Variants in GABBR2 observed in about 807,000 individuals in gnomAD.
GABBR2 encodes the protein gamma-aminobutyric acid type B receptor subunit 2.
GABBR2 carries 23 observed loss-of-function variants against 105.6 expected under a neutral mutation model. That is an observed-to-expected ratio of 0.22 (90% confidence interval 0.16 to 0.31). The LOEUF (loss-of-function observed/expected upper bound fraction) is 0.31, where lower values mean the gene tolerates loss of function less well. GABBR2 is among the 10% of genes least tolerant of loss of function. GABBR2 has a pLI of 1.00. For synonymous variants in GABBR2, 478 were observed against 499.7 expected, an observed-to-expected ratio of 0.96 and a Z score of 0.58; for missense variants, 734 against 1,245.5, an observed-to-expected ratio of 0.59 and a Z score of 6.18.
At chr9:98,672,560 GCAT>G (rs1346807181) in intron 1 of GABBR2, among the ~76,000 whole-genome samples, 2 of 152,262 alleles carry the variant, frequency 1.3e-5, no homozygotes, top group Non-Finnish European at 2.9e-5. Context: ...GATGGGCACA[GCAT>G]TCTGCTGAAG....
Position 98,622,622 on chromosome 9 carries a change from C to T in GABBR2, c.322-44550G>A, listed in dbSNP as rs1829684832. Among the ~76,000 whole-genome samples the T allele has an allele frequency of 2.0e-5, 3 of 152,356 alleles. No individual in the cohort carries two copies. The South Asian group carries it at 6.2e-4, about 32-fold the overall frequency. On this transcript the variant is annotated intron_variant, in intron 1 of 18. Transcript: ENST00000259455. ...AGACTGTATGTCAGACCATGGCACT[C>T]CTCAGCTCAAAACCTTCCTGTGGTG...
chr9:98,299,414 T>C, intron 16 of GABBR2, 61 bp from the exon 17 acceptor site: 1 of 1,601,526 alleles, frequency 6.2e-7, no homozygotes, highest in Non-Finnish European at 8.5e-7. Flanking sequence ...GCTAGGCCAC[T>C]AGGGCCAAAA....
chr9:98,405,599 T>C (rs1832476321), intron 8 of GABBR2, among the ~76,000 whole-genome samples: 1 of 152,198 alleles, frequency 6.6e-6, no homozygotes, highest in Admixed American at 6.5e-5. Context: ...CCAGGATCCC[T>C]TGAGGATTCC....
chr9:98,532,690 C>T (rs1432597611), intron 3 of GABBR2, among the ~76,000 whole-genome samples: 1 of 152,146 alleles, frequency 6.6e-6, no homozygotes, highest in Non-Finnish European at 1.5e-5. Flanking sequence ...AAGCTGAGCC[C>T]ATCCCACAGT....
intron 5 of GABBR2, among the ~76,000 whole-genome samples, chr9:98,477,187 G>A (rs75726740): frequency 0.04 from 6,044 of 152,264 alleles, 154 homozygotes; most frequent in Non-Finnish European, 0.061. Context: ...CTCAATCAAC[G>A]GTTGTGGACC....
intron 3 of GABBR2, among the ~76,000 whole-genome samples, chr9:98,502,643 T>C (rs1224881261): frequency 6.6e-6 from 1 of 152,120 alleles, no homozygotes; most frequent in Non-Finnish European, 1.5e-5. Context: ...ATCCCCCCGC[T>C]TGGCACTGGA....
At chr9:98,688,236 G>C (rs965821987) in intron 1 of GABBR2, among the ~76,000 whole-genome samples, 1 of 152,126 alleles carries the variant, frequency 6.6e-6, no homozygotes, top group African/African-American at 2.4e-5. Flanking sequence ...TTGGAATCCT[G>C]GAGCAATGGG....
At chr9:98,467,038 T>G (rs1479299552) in intron 6 of GABBR2, among the ~76,000 whole-genome samples, 1 of 152,104 alleles carries the variant, frequency 6.6e-6, no homozygotes, top group African/African-American at 2.4e-5. Flanking sequence ...AAAGGCCATA[T>G]CCCCCTTTAA....
chr9:98,570,280 C>T lies in GABBR2; in HGVS notation c.459+7655G>A, dbSNP rs185054673. Among the ~76,000 whole-genome samples the T allele has an allele frequency of 5.0e-4, 76 of 152,292 alleles. 1 individual carries two copies. The highest frequency in any genetic ancestry group is 1.7e-3 in the African/African-American group (70 of 41,546). Reference sequence around the variant, plus strand: ...GCTGTCGAGGGGCGGCTGGGGACAGCGCTGGGAGAAATGCATCTACAATTT... The same window carrying T: ...GCTGTCGAGGGGCGGCTGGGGACAGTGCTGGGAGAAATGCATCTACAATTT... On this transcript the variant is annotated intron_variant, in intron 2 of 18. Transcript: ENST00000259455.
chr9:98,608,442 G>A (rs1203041030), intron 1 of GABBR2, among the ~76,000 whole-genome samples: 1 of 152,020 alleles, frequency 6.6e-6, no homozygotes, highest in African/African-American at 2.4e-5. Flanking sequence ...ATGTTCTGAC[G>A]GTTTGATTGT....
At chr9:98,337,231 G>C (rs4743205) in intron 13 of GABBR2, among the ~76,000 whole-genome samples, 66,827 of 151,982 alleles carry the variant, frequency 0.44, 14,806 homozygotes, top group Middle Eastern at 0.47. Context: ...CTTGAACCCG[G>C]GAGGCGGAGG....
intron 13 of GABBR2, among the ~76,000 whole-genome samples, chr9:98,343,853 G>A (rs529721034): frequency 1.0e-3 from 153 of 151,844 alleles, no homozygotes; most frequent in African/African-American, 3.6e-3. Flanking sequence ...GCAAGACTCC[G>A]TCAAAATAAA....
At chr9:98,341,495 G>A (rs576373956) in intron 13 of GABBR2, among the ~76,000 whole-genome samples, 3 of 152,232 alleles carry the variant, frequency 2.0e-5, no homozygotes, top group African/African-American at 4.8e-5. Context: ...AAATAAAGAC[G>A]AATGATCAGA....
chr9:98,311,665 C>T (rs1372927158), intron 13 of GABBR2, among the ~76,000 whole-genome samples: 2 of 152,236 alleles, frequency 1.3e-5, no homozygotes, highest in African/African-American at 4.8e-5. Context: ...GCCTGCCAAA[C>T]CCTTCTGAGG....
chr9:98,301,197 G>C (rs1276431157), intron 16 of GABBR2, among the ~76,000 whole-genome samples: 1 of 152,234 alleles, frequency 6.6e-6, no homozygotes, highest in African/African-American at 2.4e-5. Context: ...AGAAGTTCCA[G>C]AGGCCTGACT....
chr9:98,609,080 C>G (rs530415567), intron 1 of GABBR2, among the ~76,000 whole-genome samples: 1 of 152,238 alleles, frequency 6.6e-6, no homozygotes, highest in Non-Finnish European at 1.5e-5. Flanking sequence ...TCATATATTG[C>G]ATTTCTGTAT....
intron 2 of GABBR2, among the ~76,000 whole-genome samples, chr9:98,553,531 G>A (rs1828529594): frequency 6.6e-6 from 1 of 152,148 alleles, no homozygotes. Context: ...CATTGAGGCT[G>A]CAGTAAGCTG....
At chr9:98,463,632 G>A (rs7389822) in intron 6 of GABBR2, among the ~76,000 whole-genome samples, 17 of 151,342 alleles carry the variant, frequency 1.1e-4, no homozygotes, top group South Asian at 8.4e-4. Flanking sequence ...TCTCCGTCTC[G>A]CTCTCGCTCT....
chr9:98,325,515 C>A (rs932491133), intron 13 of GABBR2, among the ~76,000 whole-genome samples: 9 of 152,100 alleles, frequency 5.9e-5, no homozygotes, highest in Non-Finnish European at 1.3e-4. Flanking sequence ...TGGTCTTGAA[C>A]TCCTGACCTC....
Sources: allele counts gnomAD v4.1 joint callset (sites outside exome capture counted in the v4.1 genomes callset), GRCh38; gene constraint gnomAD v4.1.1; transcripts MANE v1.5; gene names NCBI Gene and HGNC (gene_info 2026-07-23, HGNC 2026-07-21).